Variants in RBFOX1 observed in about 807,000 individuals in gnomAD.
RBFOX1 encodes the protein RNA binding protein fox-1 homolog 1.
RBFOX1 carries 8 observed loss-of-function variants against 57.7 expected under a neutral mutation model. That is an observed-to-expected ratio of 0.14 (90% CI 0.08 to 0.25). The LOEUF is 0.25. Ranked by LOEUF, RBFOX1 falls within the 10% of genes least tolerant of loss-of-function variation. RBFOX1 has a pLI of 1.00. For synonymous variants in RBFOX1, 326 were observed against 222.4 expected (o/e 1.47, Z -4.15); for missense variants, 611 against 548.5 (o/e 1.11, Z -1.14).
intron 1 of RBFOX1, among the ~76,000 whole-genome samples, chr16:6,315,644 A>G (rs1319916742): frequency 6.6e-6 from 1 of 152,182 alleles, no homozygotes; most frequent in Non-Finnish European, 1.5e-5. Flanking sequence ...ACACTAGCCC[A>G]TGAGATTGGT....
chr16:7,628,794 G>C (rs1189295870), intron 10 of RBFOX1, among the ~76,000 whole-genome samples: 1 of 152,022 alleles, frequency 6.6e-6, no homozygotes, highest in Non-Finnish European at 1.5e-5. Flanking sequence ...TGTGTTTTTA[G>C]TAGAGACAGG....
At chr16:6,778,403 C>T (rs936173391) in intron 3 of RBFOX1, among the ~76,000 whole-genome samples, 1 of 152,086 alleles carries the variant, frequency 6.6e-6, no homozygotes, top group East Asian at 1.9e-4. Flanking sequence ...TCTCCACATT[C>T]CTGAATTGTT....
intron 4 of RBFOX1, among the ~76,000 whole-genome samples, chr16:5,940,497 C>G (rs952521925): frequency 6.6e-6 from 1 of 152,142 alleles, no homozygotes; most frequent in African/African-American, 2.4e-5. Flanking sequence ...AGACTGAGCC[C>G]AGATCTATGG....
chr16:5,604,697 C>T (rs993071168), downstream of RBFOX1, among the ~76,000 whole-genome samples: 5 of 152,130 alleles, frequency 3.3e-5, no homozygotes, highest in African/African-American at 9.7e-5. Context: ...GATACAGTCC[C>T]GAGATGAGTC....
At chr16:6,492,038 G>C (rs1362881597) in intron 2 of RBFOX1, among the ~76,000 whole-genome samples, 1 of 152,152 alleles carries the variant, frequency 6.6e-6, no homozygotes, top group African/African-American at 2.4e-5. Flanking sequence ...TATAGACTGA[G>C]TAGTAATGGA....
intron 2 of RBFOX1, among the ~76,000 whole-genome samples, chr16:5,485,412 G>T (rs901246465): frequency 6.9e-6 from 1 of 145,528 alleles, no homozygotes; most frequent in South Asian, 2.2e-4. Context: ...GACTCTCCAA[G>T]TGCATGCATA....
chr16:5,249,892 C>CAGGTTGCAGTGAGGAGG lies in RBFOX1; in HGVS notation c.219+9827_219+9843dup, dbSNP rs1441991571. On this transcript the variant is annotated intron_variant, in intron 1 of 2. Coordinates refer to the RBFOX1 transcript ENST00000585867. ...GAGAATCGCTTGAACCCAGAAGCAG[C>CAGGTTGCAGTGAGGAGG]AGGTTGCAGTGAGGAGGAGGTTGCA... Among the ~76,000 whole-genome samples, 104 of 151,658 alleles carry CAGGTTGCAGTGAGGAGG rather than the reference C, an allele frequency of 6.9e-4. 5 individuals are homozygous for CAGGTTGCAGTGAGGAGG. Among genetic ancestry groups the CAGGTTGCAGTGAGGAGG allele is most frequent in the African/African-American group, 2.3e-3 (95 of 41,036 alleles).
At chr16:5,958,808 G>A (rs1039512477) in intron 4 of RBFOX1, among the ~76,000 whole-genome samples, 10 of 152,186 alleles carry the variant, frequency 6.6e-5, no homozygotes, top group East Asian at 3.9e-4. Flanking sequence ...GCCACATCAC[G>A]CTAATCTCTG....
At chr16:6,978,557 T>A (rs528775247) in intron 3 of RBFOX1, among the ~76,000 whole-genome samples, 2 of 151,232 alleles carry the variant, frequency 1.3e-5, no homozygotes, top group East Asian at 3.9e-4. Flanking sequence ...ACTACAGTCA[T>A]AGAGCCCCTT....
chr16:7,561,289 G>T (rs1206202078), intron 5 of RBFOX1, among the ~76,000 whole-genome samples: 1 of 152,182 alleles, frequency 6.6e-6, no homozygotes, highest in Non-Finnish European at 1.5e-5. Context: ...TTTATGTACA[G>T]CATGGCTTAT....
intron 7 of RBFOX1, among the ~76,000 whole-genome samples, chr16:7,590,087 G>A (rs2094361109): frequency 1.3e-5 from 2 of 151,938 alleles, no homozygotes; most frequent in South Asian, 4.2e-4. Context: ...ACAACAGTGA[G>A]ACCCCATCTC....
chr16:5,460,271 C>T (rs1001075462), intron 1 of RBFOX1, among the ~76,000 whole-genome samples: 3 of 152,206 alleles, frequency 2.0e-5, no homozygotes, highest in Admixed American at 6.5e-5. Flanking sequence ...CAGACCTTTA[C>T]TTCTCTGTTT....
chr16:5,891,090 T>C (rs2058035252), intron 4 of RBFOX1, among the ~76,000 whole-genome samples: 1 of 152,194 alleles, frequency 6.6e-6, no homozygotes, highest in South Asian at 2.1e-4. Flanking sequence ...TTGTCAACCG[T>C]AACTGTTAGT....
At chr16:7,294,824 C>T (rs1267864983) in intron 4 of RBFOX1, among the ~76,000 whole-genome samples, 1 of 152,106 alleles carries the variant, frequency 6.6e-6, no homozygotes, top group Non-Finnish European at 1.5e-5. Flanking sequence ...TTGTAAGCAG[C>T]ATCTCTACTG....
chr16:7,141,600 G>T (rs759971950), intron 4 of RBFOX1, among the ~76,000 whole-genome samples: 1 of 152,164 alleles, frequency 6.6e-6, no homozygotes, highest in Non-Finnish European at 1.5e-5. Flanking sequence ...CCAGATGAAA[G>T]ATTGCATGTT....
chr16:5,601,811 A>T (rs879604003), downstream of RBFOX1: 2 of 152,270 alleles, frequency 1.3e-5, no homozygotes, highest in African/African-American at 4.8e-5. Flanking sequence ...ATTGCCCACA[A>T]TAGGATCAAA....
At chr16:6,189,556 C>T (rs1208914495) in intron 1 of RBFOX1, among the ~76,000 whole-genome samples, 2 of 152,192 alleles carry the variant, frequency 1.3e-5, no homozygotes, top group Non-Finnish European at 2.9e-5. Context: ...ACTCAAACCA[C>T]AGGGACGTGG....
intron 4 of RBFOX1, among the ~76,000 whole-genome samples, chr16:7,401,279 A>G (rs2098238708): frequency 6.6e-6 from 1 of 152,252 alleles, no homozygotes; most frequent in Non-Finnish European, 1.5e-5. Flanking sequence ...ATATAGAGAA[A>G]AAGGTGAAGC....
chr16:6,084,632 G>C (rs1017810480), intron 1 of RBFOX1, among the ~76,000 whole-genome samples: 1 of 152,016 alleles, frequency 6.6e-6, no homozygotes, highest in Non-Finnish European at 1.5e-5. Context: ...AAAAAAAACA[G>C]TGACATGGTG....
Sources: gnomAD v4.1 joint callset for allele counts (sites outside exome capture counted in the v4.1 genomes callset) on GRCh38, gnomAD v4.1.1 for gene constraint, MANE v1.5 for transcripts, NCBI Gene and HGNC (gene_info 2026-07-23, HGNC 2026-07-21) for gene names.